Variants in MLLT3 observed in about 807,000 individuals in gnomAD.
The protein encoded by MLLT3 is protein AF-9.
A neutral mutation model predicts 53.2 loss-of-function variants in MLLT3; 4 were observed. That is an observed-to-expected ratio of 0.08 (90% CI 0.04 to 0.17). The LOEUF (loss-of-function observed/expected upper bound fraction) is 0.17, where lower values mean the gene tolerates loss of function less well. MLLT3 is among the 10% of genes least tolerant of loss of function. MLLT3 has a pLI of 1.00. For missense variants in MLLT3, 569 were observed against 684.0 expected (o/e 0.83, Z 1.87); for synonymous variants, 283 against 230.6 (o/e 1.23, Z -2.06).
chr9:20,506,856 C>G (rs752891481), intron 2 of MLLT3, among the ~76,000 whole-genome samples: 3 of 152,194 alleles, frequency 2.0e-5, no homozygotes, highest in Non-Finnish European at 4.4e-5. Flanking sequence ...GTTAGAACTG[C>G]ATGTAATCAA....
chr9:20,577,358 T>C (rs1007194040), intron 2 of MLLT3, among the ~76,000 whole-genome samples: 1 of 152,156 alleles, frequency 6.6e-6, no homozygotes, highest in Non-Finnish European at 1.5e-5. Flanking sequence ...CACAACATAA[T>C]AAAGTTTGAT....
In MLLT3 at chr9:20,448,563, A is replaced by C. The variant is rs1823763726; in HGVS notation, c.277-297T>G. On this transcript the variant is annotated intron_variant, in intron 3 of 10. Coordinates refer to ENST00000380338, the MANE Select transcript of MLLT3 (RefSeq NM_004529.4). This position sits in a 1 kb window ranked among gnomAD's most constrained non-coding sequence, Gnocchi z 4.0. ...AACATAGCCACCCAACTAGAAACCA[A>C]GCACATTCCTTCCTCTTCCCCACCC... Among the ~76,000 whole-genome samples the C allele has an allele frequency of 6.6e-6, 1 of 152,082 alleles. No homozygotes were observed. Among genetic ancestry groups the C allele is most frequent in the Non-Finnish European group, 1.5e-5 (1 of 67,998 alleles).
In MLLT3 at chr9:20,613,611, C is replaced by T. The variant is rs573251331; in HGVS notation, c.193+7043G>A. ...GCTTTTTTTTTTTTAATTAAAAAAG[C>T]AGCCATGGACTACAAAGGACAAAAA... On this transcript the variant is annotated intron_variant, in intron 2 of 10. Coordinates refer to ENST00000380338, the MANE Select transcript of MLLT3 (RefSeq NM_004529.4). 1.8e-4 allele frequency among the ~76,000 whole-genome samples: 27 copies of T among 151,094 alleles called. No individual in the cohort carries two copies. In the East Asian group the frequency reaches 4.7e-3, roughly 26 times the overall value.
intron 2 of MLLT3, among the ~76,000 whole-genome samples, chr9:20,558,624 A>AT (rs1045452781): frequency 1.3e-5 from 2 of 152,192 alleles, no homozygotes; most frequent in Admixed American, 1.3e-4. Flanking sequence ...TGAAATACAG[A>AT]TTCCTGGACC....
At chr9:20,501,551 A>G (rs560088423) in intron 2 of MLLT3, among the ~76,000 whole-genome samples, 2 of 152,082 alleles carry the variant, frequency 1.3e-5, no homozygotes, top group African/African-American at 4.8e-5. Context: ...GGAGATCGAG[A>G]CCATCCTGGC....
Position 20,342,721 on chromosome 9 carries a change from T to C in MLLT3, c.*3722A>G, listed in dbSNP as rs1490258616. The C allele has an allele frequency of 4.9e-6, 1 of 204,962 alleles. No homozygotes were observed. The highest frequency in any genetic ancestry group is 2.3e-5 in the African/African-American group (1 of 43,540). The allele number at this position is 204,962 out of a possible 1,614,324, so 12.7% of individuals were successfully genotyped here. A position where few individuals can be genotyped will look rare whatever the true frequency, so the allele number is the denominator to read the frequency against. ...GTAGACTTCCAGCCCGAGACTAAAC[T>C]AAACCATGGGAATTGACTCCTTAAC... On this transcript the variant is annotated 3_prime_UTR_variant, in exon 11 of 11. Coordinates refer to ENST00000380338, the MANE Select transcript of MLLT3 (RefSeq NM_004529.4).
In MLLT3 at chr9:20,621,971, T is replaced by C. The variant is rs886675046; in HGVS notation, c.12+274A>G. The C allele has an allele frequency of 3.1e-5, 43 of 1,394,838 alleles. No individual in the cohort carries two copies. The highest frequency in any genetic ancestry group is 3.8e-5 in the Non-Finnish European group (41 of 1,080,954). 86.4% of individuals were successfully genotyped at this position (1,394,838 alleles called of 1,614,324 possible). On this transcript the variant is annotated intron_variant, in intron 1 of 10. Transcript: ENST00000380338. The surrounding 1 kb of genome is among the most constrained non-coding windows in gnomAD (Gnocchi z 7.0). ...AGTGTGTGAGTGCGCTTCTTGTGAC[T>C]GCAAAGAGGCGAGGAGGGAGGGAGG...
chr9:20,551,784 G>A (rs1818931996), intron 2 of MLLT3, among the ~76,000 whole-genome samples: 1 of 152,150 alleles, frequency 6.6e-6, no homozygotes. Flanking sequence ...TAAAATCTAT[G>A]ACAGACTTTG....
intron 2 of MLLT3, among the ~76,000 whole-genome samples, chr9:20,582,273 C>G (rs79940254): frequency 0.029 from 4,377 of 152,210 alleles, 160 homozygotes; most frequent in East Asian, 0.14. Flanking sequence ...TTTTCTCTCT[C>G]TGTTGTACGG....
rs1052621432 is a variant in MLLT3 at position 20,576,561 on chromosome 9, G to A, written c.193+44093C>T. On this transcript the variant is annotated intron_variant, in intron 2 of 10. Coordinates refer to ENST00000380338, the MANE Select transcript of MLLT3 (RefSeq NM_004529.4). ...ATAGGGAGGTCCAAGGAGAGGAGGAGAGATGAGACAATGACTGGAGCAGTG... is the reference window on the plus strand; with the variant it reads ...ATAGGGAGGTCCAAGGAGAGGAGGAAAGATGAGACAATGACTGGAGCAGTG... Among the ~76,000 whole-genome samples, 3 of 152,128 alleles carry A rather than the reference G, an allele frequency of 2.0e-5. No homozygotes were observed. The South Asian group carries it at 6.2e-4, about 31-fold the overall frequency.
chr9:20,456,039 A>G (rs1586961961), intron 3 of MLLT3, among the ~76,000 whole-genome samples: 1 of 151,376 alleles, frequency 6.6e-6, no homozygotes, highest in Admixed American at 6.6e-5. Context: ...CCCAGGTTCA[A>G]GTGATTCTCT....
chr9:20,535,786 A>G (rs531046338), intron 2 of MLLT3, among the ~76,000 whole-genome samples: 152 of 152,312 alleles, frequency 1.0e-3, no homozygotes, highest in South Asian at 1.7e-3. Flanking sequence ...CACATCCTCA[A>G]TGACATCACT....
chr9:20,585,314 C>T (rs961365387), intron 2 of MLLT3, among the ~76,000 whole-genome samples: 2 of 152,116 alleles, frequency 1.3e-5, no homozygotes, highest in Non-Finnish European at 2.9e-5. Context: ...AACATCCTGT[C>T]CCTTCTTATA....
intron 2 of MLLT3, among the ~76,000 whole-genome samples, chr9:20,561,337 C>T (rs1287483092): frequency 6.6e-6 from 1 of 152,014 alleles, no homozygotes; most frequent in Admixed American, 6.6e-5. Context: ...TCAAGATACT[C>T]AAACTCTTCA....
intron 5 of MLLT3, among the ~76,000 whole-genome samples, chr9:20,401,968 A>C (rs1303159450): frequency 1.3e-5 from 2 of 152,184 alleles, no homozygotes. Context: ...TTTTGAGAAT[A>C]GTTGGCGTTG....
chr9:20,433,794 T>C (rs1008546001), intron 4 of MLLT3, among the ~76,000 whole-genome samples: 1 of 152,098 alleles, frequency 6.6e-6, no homozygotes, highest in African/African-American at 2.4e-5. Flanking sequence ...CTACGTATGA[T>C]TGTAGACTGG....
intron 2 of MLLT3, among the ~76,000 whole-genome samples, chr9:20,519,054 GA>G: frequency 6.6e-6 from 1 of 152,070 alleles, no homozygotes; most frequent in East Asian, 1.9e-4. Context: ...TCATTAAATA[GA>G]AAAAAGTTGG....
At chr9:20,552,961 T>C (rs867450112) in intron 2 of MLLT3, among the ~76,000 whole-genome samples, 1 of 152,148 alleles carries the variant, frequency 6.6e-6, no homozygotes, top group African/African-American at 2.4e-5. Flanking sequence ...TTTTGTCTCA[T>C]GAAAATTCAA....
chr9:20,413,920 C>T lies in MLLT3; in HGVS notation c.926G>A (p.Ser309Asn), dbSNP rs759410364. ...KKSSSEALFK[S>N]FSSAPPLILT... ...TATCAGTGGTGGTGCGCTAGAAAAA[C>T]TTTTAAATAAAGCCTCTGAGCTACT... Residue 309 changes from serine to asparagine, a missense_variant, in exon 5 of 11, where the codon AGT becomes AAT. Physicochemically the swap from Ser to Asn is conservative, Grantham distance 46. Transcript: ENST00000380338. 3.7e-6 allele frequency: 6 copies of T among 1,613,392 alleles called. No homozygotes were observed. Among genetic ancestry groups the T allele is most frequent in the South Asian group, 2.2e-5 (2 of 90,922 alleles).
Sources: allele counts gnomAD v4.1 joint callset (sites outside exome capture counted in the v4.1 genomes callset), GRCh38; gene constraint gnomAD v4.1.1; non-coding constraint Gnocchi (gnomAD v3.1); transcripts MANE v1.5; gene names NCBI Gene and HGNC (gene_info 2026-07-23, HGNC 2026-07-21).